RIMS2: variants seen among roughly 807,000 people sequenced by gnomAD.
RIMS2 encodes regulating synaptic membrane exocytosis protein 2.
Under a neutral mutation model 174.4 loss-of-function variants are expected in RIMS2, and 59 were observed. That is an observed-to-expected ratio of 0.34 (90% CI 0.27 to 0.42). RIMS2 has a LOEUF of 0.42. Among genes scored for constraint, RIMS2 ranks in the 10% least tolerant of loss-of-function variants. The pLI is 1.00. For synonymous variants in RIMS2, 606 were observed against 572.5 expected (o/e 1.06, Z -0.84); for missense variants, 1,620 against 1,666.3 (o/e 0.97, Z 0.48).
intron 1 of RIMS2, among the ~76,000 whole-genome samples, chr8:103,577,089 C>A (rs1200577447): frequency 6.6e-6 from 1 of 152,162 alleles, no homozygotes; most frequent in Non-Finnish European, 1.5e-5. Flanking sequence ...TCTAATTAAA[C>A]TAAAGAGCTT....
chr8:104,095,149 G>A (rs945998510), intron 19 of RIMS2, among the ~76,000 whole-genome samples: 1 of 152,090 alleles, frequency 6.6e-6, no homozygotes, highest in Non-Finnish European at 1.5e-5. Context: ...TTCTGAAGTG[G>A]CTGAAAAAAA....
intron 1 of RIMS2, among the ~76,000 whole-genome samples, chr8:103,564,620 T>G (rs926991281): frequency 3.3e-5 from 5 of 152,168 alleles, no homozygotes; most frequent in Non-Finnish European, 2.9e-5. Flanking sequence ...GTCCAGTGTT[T>G]GAGGGCAGGA....
At chr8:103,500,691 G>C (rs891112935), upstream of RIMS2, 2 of 532,178 alleles carry the variant, frequency 3.8e-6, no homozygotes, top group Non-Finnish European at 3.3e-6. Flanking sequence ...GCACTCCTCA[G>C]CCCTCCTTCC....
chr8:104,223,869 G>C, intron 19 of RIMS2: 2 of 1,226,898 alleles, frequency 1.6e-6, no homozygotes, highest in Non-Finnish European at 1.2e-6. Context: ...GGCCGGGGCA[G>C]AGAGAACTCC....
chr8:104,088,645 T>G (rs2097578908), intron 19 of RIMS2, among the ~76,000 whole-genome samples: 1 of 152,008 alleles, frequency 6.6e-6, no homozygotes, highest in Admixed American at 6.6e-5. Context: ...TGAAGACAAG[T>G]GATATTTAAG....
intron 3 of RIMS2, among the ~76,000 whole-genome samples, chr8:103,811,590 A>T (rs1156855582): frequency 1.3e-5 from 2 of 151,290 alleles, no homozygotes; most frequent in African/African-American, 4.8e-5. Context: ...GATTACAGGC[A>T]CCCGCCGCTA....
intron 3 of RIMS2, among the ~76,000 whole-genome samples, chr8:103,839,933 G>A (rs765657580): frequency 6.6e-6 from 1 of 152,036 alleles, no homozygotes; most frequent in Admixed American, 6.6e-5. Context: ...TTTTAACACC[G>A]GACTGTGTTT....
At chr8:103,650,259 A>C (rs2096425586) in intron 1 of RIMS2, among the ~76,000 whole-genome samples, 1 of 152,126 alleles carries the variant, frequency 6.6e-6, no homozygotes. Flanking sequence ...CACCAGTGAA[A>C]GCTGTGAACC....
intron 1 of RIMS2, among the ~76,000 whole-genome samples, chr8:103,521,347 C>A (rs1392745137): frequency 1.3e-5 from 2 of 151,880 alleles, no homozygotes; most frequent in African/African-American, 4.8e-5. Flanking sequence ...ACCTCACCAT[C>A]CTATACAACT....
exon 4 of RIMS2, chr8:103,885,298 G>A (rs1371213695): frequency 6.4e-6 from 10 of 1,558,038 alleles, no homozygotes; most frequent in Non-Finnish European, 7.8e-6. Flanking sequence ...GGTTACTTAG[G>A]AAAAGAAGCC....
intron 1 of RIMS2, among the ~76,000 whole-genome samples, chr8:103,667,460 T>A (rs934325038): frequency 2.0e-5 from 3 of 152,352 alleles, no homozygotes; most frequent in Admixed American, 6.5e-5. Flanking sequence ...CAGTTTTCTC[T>A]TGAACTGATG....
intron 3 of RIMS2, among the ~76,000 whole-genome samples, chr8:103,805,774 T>C (rs577455562): frequency 2.0e-5 from 3 of 152,254 alleles, no homozygotes; most frequent in African/African-American, 7.2e-5. Flanking sequence ...TTTTTCCTCA[T>C]TGATATTTTC....
At chr8:103,522,841 G>A (rs1174365435) in intron 1 of RIMS2, among the ~76,000 whole-genome samples, 1 of 152,162 alleles carries the variant, frequency 6.6e-6, no homozygotes, top group Non-Finnish European at 1.5e-5. Flanking sequence ...CAGAAATTGA[G>A]TGTGATATAG....
exon 5 of RIMS2, chr8:103,910,192 A>G (rs2075379190): frequency 1.2e-6 from 2 of 1,608,490 alleles, no homozygotes; most frequent in Non-Finnish European, 1.7e-6. Flanking sequence ...AGGCATCCCC[A>G]ATGTCTTTGG....
In RIMS2 at chr8:103,737,175, C is replaced by CTT. The variant is rs554949027; in HGVS notation, c.388-29027_388-29026dup. 8.3e-4 allele frequency among the ~76,000 whole-genome samples: 56 copies of CTT among 67,526 alleles called. 3 individuals are homozygous for CTT. The highest frequency in any genetic ancestry group is 2.6e-3 in the African/African-American group (42 of 16,074). 44.3% of individuals were successfully genotyped at this position (67,526 alleles called of 152,430 possible). A position where few individuals can be genotyped will look rare whatever the true frequency, so the allele number is the denominator to read the frequency against. On this transcript the variant is annotated intron_variant, in intron 2 of 23. Coordinates refer to ENST00000504942, the Ensembl canonical transcript of RIMS2. ...TCCTTTTCTTTTCTTTTTCTTTGTT[C>CTT]TTTTTTTTTTTTTTTTTTTTTTTTT...
At chr8:103,501,212 G>A (rs1296483109) in intron 1 of RIMS2, 150 bp downstream of exon 1, 24 of 474,816 alleles carry the variant, frequency 5.1e-5, no homozygotes, top group Non-Finnish European at 8.4e-5. Context: ...CCGGCCGCCC[G>A]GGCTGTTTTA....
At chr8:104,119,381 A>G (rs1295346570) in intron 19 of RIMS2, among the ~76,000 whole-genome samples, 1 of 151,882 alleles carries the variant, frequency 6.6e-6, no homozygotes, top group Non-Finnish European at 1.5e-5. Flanking sequence ...AAACAAAAAA[A>G]ACCCATAATT....
intron 2 of RIMS2, among the ~76,000 whole-genome samples, chr8:103,736,570 G>T (rs1283417476): frequency 1.3e-5 from 2 of 152,150 alleles, no homozygotes; most frequent in Non-Finnish European, 2.9e-5. Context: ...GACTAATTTT[G>T]GTCTATTATG....
intron 19 of RIMS2, among the ~76,000 whole-genome samples, chr8:104,243,616 G>A (rs1198082215): frequency 1.3e-5 from 2 of 152,116 alleles, no homozygotes; most frequent in Non-Finnish European, 2.9e-5. Context: ...AACCCGGGAG[G>A]CGGAGGTTGC....
Sources: allele counts gnomAD v4.1 joint callset (sites outside exome capture counted in the v4.1 genomes callset), GRCh38; gene constraint gnomAD v4.1.1; transcripts MANE v1.5; gene names NCBI Gene and HGNC (gene_info 2026-07-23, HGNC 2026-07-21).